The following SLC9A9 variants were observed in gnomAD, a reference collection of about 807,000 sequenced individuals.
SLC9A9 encodes solute carrier family 9 member A9, also known as sodium/hydrogen exchanger 9.
SLC9A9 carries 62 observed loss-of-function variants against 77.8 expected under a neutral mutation model. That is an observed-to-expected ratio of 0.80 (90% confidence interval 0.65 to 0.98). The LOEUF is 0.98. SLC9A9 is among the 50% of genes least tolerant of loss of function. The pLI is 0.00. For synonymous variants in SLC9A9, 320 were observed against 283.5 expected, an observed-to-expected ratio of 1.13 and a Z score of -1.29; for missense variants, 775 against 774.9, an observed-to-expected ratio of 1.00 and a Z score of 0.00.
intron 6 of SLC9A9, among the ~76,000 whole-genome samples, chr3:143,634,767 G>A (rs1413497336): frequency 2.0e-5 from 3 of 152,020 alleles, no homozygotes; most frequent in East Asian, 3.9e-4. Flanking sequence ...TATTTGTTTG[G>A]GGATTGTGGG....
chr3:143,609,024 C>T (rs1401724026), intron 6 of SLC9A9, among the ~76,000 whole-genome samples: 1 of 152,070 alleles, frequency 6.6e-6, no homozygotes, highest in Non-Finnish European at 1.5e-5. Flanking sequence ...CGACACGGTT[C>T]GTTGTGGGTG....
chr3:143,835,922 A>G (rs2009556107), intron 1 of SLC9A9, among the ~76,000 whole-genome samples: 1 of 152,186 alleles, frequency 6.6e-6, no homozygotes, highest in African/African-American at 2.4e-5. Context: ...TCCCCTGGCC[A>G]GTTGGCAGCA....
At chr3:143,342,594 A>G (rs1576436577) in intron 14 of SLC9A9, among the ~76,000 whole-genome samples, 2 of 152,342 alleles carry the variant, frequency 1.3e-5, no homozygotes, top group East Asian at 3.9e-4. Flanking sequence ...GGACTCACAA[A>G]TAAAATAACC....
intron 9 of SLC9A9, among the ~76,000 whole-genome samples, chr3:143,516,218 C>G (rs1270226863): frequency 6.6e-6 from 1 of 150,444 alleles, no homozygotes. Flanking sequence ...ATGCTCTTCT[C>G]TTATAGCATT....
At chr3:143,653,486 T>G (rs888574925) in intron 5 of SLC9A9, among the ~76,000 whole-genome samples, 2 of 152,126 alleles carry the variant, frequency 1.3e-5, no homozygotes, top group African/African-American at 4.8e-5. Flanking sequence ...TCCTTTCCTA[T>G]TTCATGGGTG....
At chr3:143,747,934 A>T (rs952612283) in intron 4 of SLC9A9, among the ~76,000 whole-genome samples, 12 of 152,006 alleles carry the variant, frequency 7.9e-5, no homozygotes, top group African/African-American at 2.9e-4. Context: ...TCTAGGCCAC[A>T]CTCCAGGCAC....
intron 14 of SLC9A9, among the ~76,000 whole-genome samples, chr3:143,292,207 A>G (rs1269666066): frequency 6.6e-6 from 1 of 152,226 alleles, no homozygotes; most frequent in African/African-American, 2.4e-5. Flanking sequence ...CTTGGCTACC[A>G]TGGGACAAAT....
rs955864179 is a variant in SLC9A9 at position 143,463,334 on chromosome 3, C to T, written c.1469+3703G>A. Among the ~76,000 whole-genome samples, 5 of 152,284 alleles carry T rather than the reference C, an allele frequency of 3.3e-5. No homozygotes were observed. In the East Asian group the frequency reaches 7.7e-4, roughly 24 times the overall value. Reference sequence around the variant, plus strand: ...TTGCTGAAAGTTTCTTGGCTCCATGCGGTGCTCTACCCTAAGCCAAGAATG... The same window carrying T: ...TTGCTGAAAGTTTCTTGGCTCCATGTGGTGCTCTACCCTAAGCCAAGAATG... On this transcript the variant is annotated intron_variant, in intron 12 of 15. Coordinates refer to ENST00000316549, the MANE Select transcript of SLC9A9 (RefSeq NM_173653.4).
chr3:143,552,852 A>G lies in SLC9A9; in HGVS notation c.1001-402T>C, dbSNP rs575231585. Among the ~76,000 whole-genome samples the G allele has an allele frequency of 9.3e-4, 142 of 152,248 alleles. 1 individual carries two copies. The highest frequency in any genetic ancestry group is 3.3e-3 in the African/African-American group (138 of 41,550). On this transcript the variant is annotated intron_variant, in intron 8 of 15. Transcript: ENST00000316549. ...AATACTGGCATATTTTCTGAAAGAT[A>G]TTTGCTTTCCGCTGTATACTTTGGG...
At chr3:143,695,897 A>C (rs1426179129) in intron 4 of SLC9A9, among the ~76,000 whole-genome samples, 1 of 152,142 alleles carries the variant, frequency 6.6e-6, no homozygotes, top group Non-Finnish European at 1.5e-5. Flanking sequence ...CATTTCTCTA[A>C]TGACCAGTGA....
intron 12 of SLC9A9, among the ~76,000 whole-genome samples, chr3:143,425,993 AAGAC>A (rs1218924756): frequency 2.0e-5 from 3 of 151,972 alleles, no homozygotes; most frequent in Admixed American, 2.0e-4. Context: ...TTTTCCTAAA[AAGAC>A]AGAATTTTTG....
intron 14 of SLC9A9, among the ~76,000 whole-genome samples, chr3:143,356,974 G>C (rs1330890883): frequency 2.0e-5 from 3 of 152,142 alleles, no homozygotes; most frequent in African/African-American, 7.2e-5. Flanking sequence ...CCAGGGGATG[G>C]GAGTGATGGC....
intron 8 of SLC9A9, among the ~76,000 whole-genome samples, chr3:143,572,162 A>C (rs894189591): frequency 2.0e-5 from 3 of 152,216 alleles, no homozygotes; most frequent in Admixed American, 2.0e-4. Flanking sequence ...GTGAAAGAGC[A>C]AGGATCAAGC....
intron 8 of SLC9A9, among the ~76,000 whole-genome samples, chr3:143,558,241 G>A (rs1329640521): frequency 6.6e-6 from 1 of 152,218 alleles, no homozygotes; most frequent in African/African-American, 2.4e-5. Context: ...TACAGCAGTG[G>A]AGCCCTCATG....
intron 6 of SLC9A9, among the ~76,000 whole-genome samples, chr3:143,635,848 G>A (rs1044722417): frequency 1.3e-5 from 2 of 152,082 alleles, no homozygotes; most frequent in African/African-American, 2.4e-5. Context: ...ATTATTCAGC[G>A]GCAATACTTC....
chr3:143,665,271 T>A (rs1303117558), intron 5 of SLC9A9, among the ~76,000 whole-genome samples: 1 of 152,204 alleles, frequency 6.6e-6, no homozygotes, highest in Non-Finnish European at 1.5e-5. Flanking sequence ...GAAATAAAGA[T>A]GTTCTTTGAA....
At chr3:143,757,640 A>AACATCT (rs1014310925) in intron 4 of SLC9A9, among the ~76,000 whole-genome samples, 10 of 152,154 alleles carry the variant, frequency 6.6e-5, no homozygotes, top group African/African-American at 2.4e-4. Context: ...CGCCTCTTCC[A>AACATCT]ACATCTCAAA....
intron 4 of SLC9A9, among the ~76,000 whole-genome samples, chr3:143,757,884 A>C (rs375334436): frequency 1.3e-4 from 20 of 152,146 alleles, no homozygotes; most frequent in African/African-American, 4.6e-4. Context: ...GATAAGGAGG[A>C]GAAGGAAAGA....
intron 4 of SLC9A9, among the ~76,000 whole-genome samples, chr3:143,783,721 G>A (rs1419278648): frequency 1.3e-5 from 2 of 152,080 alleles, no homozygotes; most frequent in African/African-American, 2.4e-5. Context: ...TACTTCTGGG[G>A]GTGGAAAGGA....
Sources: gnomAD v4.1 joint callset for allele counts (sites outside exome capture counted in the v4.1 genomes callset) on GRCh38, gnomAD v4.1.1 for gene constraint, MANE v1.5 for transcripts, NCBI Gene and HGNC (gene_info 2026-07-23, HGNC 2026-07-21) for gene names.